The following DSCAM variants were observed in gnomAD, a reference collection of about 807,000 sequenced individuals.
DSCAM encodes DS cell adhesion molecule, also known as cell adhesion molecule DSCAM.
DSCAM carries 47 observed loss-of-function variants against 217.7 expected under a neutral mutation model. The ratio of observed to expected loss-of-function variants is 0.22; its 90% CI spans 0.17 to 0.28. The LOEUF is 0.28. DSCAM is among the 10% of genes least tolerant of loss of function. DSCAM has a pLI of 1.00. For missense variants in DSCAM, 2,080 were observed against 2,618.3 expected (o/e 0.79, Z 4.49); for synonymous variants, 1,056 against 1,015.3 (o/e 1.04, Z -0.76).
intron 5 of DSCAM, among the ~76,000 whole-genome samples, chr21:40,351,006 C>A (rs1954753746): frequency 6.6e-6 from 1 of 150,536 alleles, no homozygotes; most frequent in African/African-American, 2.4e-5. Context: ...CTGCCTCAGC[C>A]TCCTGGGTAG....
At chr21:40,825,266 TTTCCTTCCTTCCTTCCTTCCTTCC>T (rs142604153) in intron 1 of DSCAM, among the ~76,000 whole-genome samples, 15 of 140,062 alleles carry the variant, frequency 1.1e-4, no homozygotes, top group South Asian at 2.5e-4. Context: ...ATTTTCTTTC[TTTCCTTCCTTCCTTCCTTCCTTCC>T]TTCCTTCCTT....
rs2090743117 is a variant in DSCAM, at chr21:40,708,607, G to C, written c.208C>G (p.Pro70Ala). The part of the protein sequence containing the change: ...LATGEEIYDV[P>A]GIRHVHPNGT... ...TTGGGGTGGACGTGGCGGATCCCGG[G>C]GACATCGTAGATCTCCTCGCCCGTG... The change falls in exon 2 of 33, where the codon CCC becomes GCC. Residue 70 changes from proline (P) to alanine (A), a missense_variant. By Grantham distance (27) the Pro-to-Ala change is conservative. Around this residue, in one of 5 missense-constraint regions of DSCAM, gnomAD observed 568 missense variants for 678.1 expected, o/e 0.84. Coordinates refer to ENST00000400454, the MANE Select transcript of DSCAM (RefSeq NM_001389.5). The C allele has an allele frequency of 6.2e-7, 1 of 1,611,530 alleles. No homozygotes were observed.
At chr21:40,497,883 TGAG>T (rs1268308970) in intron 3 of DSCAM, among the ~76,000 whole-genome samples, 1 of 152,254 alleles carries the variant, frequency 6.6e-6, no homozygotes, top group African/African-American at 2.4e-5. Flanking sequence ...TTTCCAGCTA[TGAG>T]AACTGCTATG....
chr21:40,079,753 T>C (rs1437467205), intron 25 of DSCAM, among the ~76,000 whole-genome samples: 1 of 152,026 alleles, frequency 6.6e-6, no homozygotes, highest in African/African-American at 2.4e-5. Context: ...ACCCCATCAT[T>C]TTCCCTCTGA....
At chr21:40,508,627 G>A (rs1027223875) in intron 3 of DSCAM, among the ~76,000 whole-genome samples, 3 of 149,870 alleles carry the variant, frequency 2.0e-5, no homozygotes, top group Admixed American at 6.7e-5. Flanking sequence ...GGAATGCAGC[G>A]GTGCAGTCAT....
At chr21:40,477,038 A>G (rs2075942717) in intron 3 of DSCAM, among the ~76,000 whole-genome samples, 1 of 152,208 alleles carries the variant, frequency 6.6e-6, no homozygotes, top group Non-Finnish European at 1.5e-5. Context: ...GCTCAAAGAA[A>G]ACAAAAGTTA....
chr21:40,518,528 T>TGTACA (rs200999198), intron 3 of DSCAM, among the ~76,000 whole-genome samples: 1 of 39,100 alleles, frequency 2.6e-5, no homozygotes, highest in African/African-American at 1.9e-4. Flanking sequence ...AATATATATT[T>TGTACA]TATATATATA....
chr21:40,139,849 G>A (rs2090267438), intron 18 of DSCAM, among the ~76,000 whole-genome samples: 1 of 150,770 alleles, frequency 6.6e-6, no homozygotes, highest in South Asian at 2.1e-4. Flanking sequence ...TATGTGTGGT[G>A]TATGTGGGGT....
chr21:40,195,516 G>C (rs917437082), intron 11 of DSCAM, among the ~76,000 whole-genome samples: 1 of 152,102 alleles, frequency 6.6e-6, no homozygotes, highest in African/African-American at 2.4e-5. Context: ...GACTCTGATC[G>C]GTCCTATTTG....
At chr21:40,594,652 G>T (rs892105962) in intron 3 of DSCAM, among the ~76,000 whole-genome samples, 1 of 152,290 alleles carries the variant, frequency 6.6e-6, no homozygotes, top group East Asian at 1.9e-4. Flanking sequence ...GCACAGTTAG[G>T]TGTGAACAGA....
chr21:40,296,145 C>T lies in DSCAM; in HGVS notation c.2092G>A (p.Asp698Asn). The T allele has an allele frequency of 1.2e-6, 2 of 1,614,078 alleles. No homozygotes were observed. The highest frequency in any genetic ancestry group is 1.7e-6 in the Non-Finnish European group (2 of 1,179,970). Reference sequence around the variant, plus strand: ...GCTTTGCCATAAATCCCGTCCTGGTCCCGTGGCTGAACCACAAACTTGGGA... The same window carrying T: ...GCTTTGCCATAAATCCCGTCCTGGTTCCGTGGCTGAACCACAAACTTGGGA... Reference protein sequence around the residue: ...VPPKFVVQPRDQDGIYGKAVI... With the variant: ...VPPKFVVQPRNQDGIYGKAVI... Residue 698 changes from aspartate (D) to asparagine (N), a missense_variant, in exon 10 of 33, where the codon GAC becomes AAC. By Grantham distance (23) the Asp-to-Asn change is conservative (BLOSUM62 1). Around this residue, in one of 5 missense-constraint regions of DSCAM, gnomAD observed 218 missense variants for 364.1 expected, o/e 0.60. Coordinates refer to ENST00000400454, the MANE Select transcript of DSCAM (RefSeq NM_001389.5).
At chr21:40,766,331 GTATATA>G (rs141505117) in intron 1 of DSCAM, among the ~76,000 whole-genome samples, 1 of 148,220 alleles carries the variant, frequency 6.7e-6, no homozygotes, top group Non-Finnish European at 1.5e-5. Flanking sequence ...TGGTATGTGT[GTATATA>G]TATATATATT....
intron 27 of DSCAM, among the ~76,000 whole-genome samples, chr21:40,073,850 G>A (rs372496354): frequency 3.9e-5 from 6 of 152,268 alleles, no homozygotes; most frequent in East Asian, 1.9e-4. Context: ...TGGTTCGCAC[G>A]ATTGCGAAAG....
intron 20 of DSCAM, among the ~76,000 whole-genome samples, chr21:40,108,458 T>C (rs2089850392): frequency 3.3e-5 from 5 of 152,044 alleles, no homozygotes; most frequent in Non-Finnish European, 7.4e-5. Context: ...TGGTGAGAGA[T>C]CCCTACAAGG....
At chr21:40,103,131 T>C (rs1009941665) in intron 20 of DSCAM, among the ~76,000 whole-genome samples, 2 of 152,238 alleles carry the variant, frequency 1.3e-5, no homozygotes, top group Non-Finnish European at 2.9e-5. Flanking sequence ...TACAAAGCCA[T>C]AGGCTGTTCA....
At chr21:40,563,591 T>TTATACGTTTTATA (rs1555858170) in intron 3 of DSCAM, among the ~76,000 whole-genome samples, 1 of 116,970 alleles carries the variant, frequency 8.5e-6, no homozygotes, top group Non-Finnish European at 1.7e-5. Flanking sequence ...GTTTATATGT[T>TTATACGTTTTATA]TATATGTTAT....
At chr21:40,776,086 G>A (rs1328343249) in intron 1 of DSCAM, among the ~76,000 whole-genome samples, 6 of 151,982 alleles carry the variant, frequency 3.9e-5, no homozygotes, top group Non-Finnish European at 8.8e-5. Context: ...GTTTATGCTT[G>A]CAAAAATATT....
intron 1 of DSCAM, among the ~76,000 whole-genome samples, chr21:40,766,102 C>T (rs184463927): frequency 2.0e-3 from 309 of 152,234 alleles, no homozygotes; most frequent in Non-Finnish European, 3.6e-3. Context: ...TTTCAAATTG[C>T]GGCCGTTTCC....
chr21:40,451,402 G>T (rs947992888), intron 3 of DSCAM, among the ~76,000 whole-genome samples: 2 of 152,146 alleles, frequency 1.3e-5, no homozygotes, highest in African/African-American at 2.4e-5. Context: ...GTTATGAAAG[G>T]TAACAGACTT....
Sources: allele counts gnomAD v4.1 joint callset (sites outside exome capture counted in the v4.1 genomes callset), GRCh38; gene constraint gnomAD v4.1.1; regional missense constraint gnomAD v4.1.1; transcripts MANE v1.5; gene names NCBI Gene and HGNC (gene_info 2026-07-23, HGNC 2026-07-21).